The following SIGLEC1 variants were observed in gnomAD, a reference collection of about 807,000 sequenced individuals.
The protein encoded by SIGLEC1 is sialoadhesin.
In SIGLEC1, 132 loss-of-function variants were observed where a neutral mutation model predicts 148.0. That is an observed-to-expected ratio of 0.89 (90% CI 0.77 to 1.03). The LOEUF (loss-of-function observed/expected upper bound fraction) is 1.03. SIGLEC1 is among the 50% of genes least tolerant of loss of function. SIGLEC1 has a pLI of 0.00. For synonymous variants in SIGLEC1, 945 were observed against 969.0 expected (o/e 0.98, Z 0.46); for missense variants, 2,253 against 2,271.4 (o/e 0.99, Z 0.16).
In SIGLEC1 at chr20:3,692,166, T is replaced by C; in HGVS notation, c.4067A>G (p.Asp1356Gly). Residue 1356 changes from aspartate (D) to glycine (G), a missense_variant, in exon 17 of 22, where the codon GAC (aspartate) becomes GGC (glycine). Transcript: ENST00000344754. ...CACAGCCATGGATCTGGCCCTGGAGTCCCGGAAGGAGGACAGGACAGCGTC... is the reference window on the plus strand; with the variant it reads ...CACAGCCATGGATCTGGCCCTGGAGCCCCGGAAGGAGGACAGGACAGCGTC... ...PQDAVLSSFR[D>G]SRARSMAVIQ... 1 of 1,576,140 alleles carries C rather than the reference T, an allele frequency of 6.3e-7. No individual in the cohort carries two copies. Among genetic ancestry groups the C allele is most frequent in the Non-Finnish European group, 8.6e-7 (1 of 1,159,660 alleles).
chr20:3,693,365 C>T lies in SIGLEC1; in HGVS notation c.3508+82G>A, dbSNP rs2088785347. On this transcript the variant is annotated intron_variant, in intron 14 of 21. Coordinates refer to ENST00000344754, the MANE Select transcript of SIGLEC1 (RefSeq NM_023068.4). ...TGGGTACCGAGTTCCCCACTGGACA[C>T]CTGTCGGGTTCCGGCCATGCCGTGA... 6.2e-6 allele frequency: 9 copies of T among 1,455,006 alleles called. No individual in the cohort carries two copies. In the South Asian group the frequency reaches 8.2e-5, roughly 13 times the overall value. The allele number at this position is 1,455,006 out of a possible 1,614,324, so 90.1% of individuals were successfully genotyped here. A position where few individuals can be genotyped will look rare whatever the true frequency, so the allele number is the denominator to read the frequency against.
In SIGLEC1 at chr20:3,699,374, T is replaced by C. The variant is rs555710767; in HGVS notation, c.1614A>G (p.Thr538=). The C allele has an allele frequency of 1.2e-6, 2 of 1,608,450 alleles. No homozygotes were observed. Among genetic ancestry groups the C allele is most frequent in the Non-Finnish European group, 1.7e-6 (2 of 1,178,228 alleles). ...GGTACCAGGAGAAGCGGGCATCAGGTGTGGGGCTTAGGCCGCTTCTGCAGC... is the reference window on the plus strand; with the variant it reads ...GGTACCAGGAGAAGCGGGCATCAGGCGTGGGGCTTAGGCCGCTTCTGCAGC... ...TLSCRSGLSP[T]PDARFSWYLN... The change falls in exon 8 of 22, where the codon ACA becomes ACG. Residue 538 remains threonine (T), a synonymous_variant. Coordinates refer to ENST00000344754, the MANE Select transcript of SIGLEC1 (RefSeq NM_023068.4).
intron 2 of SIGLEC1, among the ~76,000 whole-genome samples, 173 bp from the exon 3 acceptor site, chr20:3,706,879 C>A (rs1448368984): frequency 6.6e-6 from 1 of 152,236 alleles, no homozygotes; most frequent in Non-Finnish European, 1.5e-5. Context: ...GGTCAGTCCA[C>A]TGCCCGAGGC....
rs143489222 is a variant in SIGLEC1 at position 3,691,399 on chromosome 20, C to G, written c.4532G>C (p.Cys1511Ser). 12 of 1,613,408 alleles carry G rather than the reference C, an allele frequency of 7.4e-6. No individual in the cohort carries two copies. The highest frequency in any genetic ancestry group is 5.0e-5 in the Admixed American group (3 of 60,036). The change falls in exon 18 of 22, where the codon TGC (cysteine) becomes TCC (serine). Residue 1511 changes from cysteine to serine, a missense_variant. Coordinates refer to ENST00000344754, the MANE Select transcript of SIGLEC1 (RefSeq NM_023068.4). ...VARAQAGMYH[C>S]LAELPTGAAA... The stretch of plus-strand genomic sequence containing the variant: ...AGCCCCAGTGGGGAGCTCAGCCAGG[C>G]AGTGGTACATCCCAGCTTGAGCACG...
chr20:3,703,692 A>T, intron 5 of SIGLEC1, 133 bp downstream of exon 5: 1 of 1,244,788 alleles, frequency 8.0e-7, no homozygotes, highest in Non-Finnish European at 1.1e-6. Context: ...CAGGGCTGGG[A>T]CTCCACACCT....
At position 3,696,884 on chromosome 20, in the gene SIGLEC1, G is replaced by T; in HGVS notation, c.2385C>A (p.Pro795=). ...STPVLLSVLY[P]PDRPKLSALL... ...GGGCTGACAGCTTTGGACGGTCCGG[G>T]GGATCTGCAGGAACAGAGGGAGCTG... The change falls in exon 11 of 22, where the codon CCC becomes CCA. Residue 795 remains proline (P), a synonymous_variant. Coordinates refer to ENST00000344754, the MANE Select transcript of SIGLEC1 (RefSeq NM_023068.4). 6.5e-7 allele frequency: 1 copy of T among 1,547,630 alleles called. No homozygotes were observed.
intron 17 of SIGLEC1, 93 bp downstream of exon 17, chr20:3,691,810 C>A (rs912291968): frequency 3.6e-5 from 52 of 1,445,554 alleles, no homozygotes; most frequent in Non-Finnish European, 4.8e-5. Flanking sequence ...TTTCTCAGAC[C>A]AGACAGCCCG....
Position 3,693,666 on chromosome 20 carries a change from C to G in SIGLEC1, c.3289G>C (p.Val1097Leu), listed in dbSNP as rs760565977. ...AGGTTCACCAGCTGCCCCTCCCGCA[C>G]GGTAGCCCCGGGCCACACCTGCACA... ...VNVQVWPGAT[V>L]REGQLVNLTC... Residue 1097 changes from valine to leucine, a missense_variant, in exon 14 of 22, where the codon GTG (valine) becomes CTG (leucine). Transcript: ENST00000344754. 18 of 1,602,098 alleles carry G rather than the reference C, an allele frequency of 1.1e-5. No individual in the cohort carries two copies. The South Asian group carries it at 2.0e-4, about 18-fold the overall frequency.
chr20:3,703,502 C>T (rs1308989657), intron 5 of SIGLEC1, 51 bp from the exon 6 acceptor site: 2 of 1,537,990 alleles, frequency 1.3e-6, no homozygotes, highest in Non-Finnish European at 1.7e-6. Context: ...ACTTCCAGCC[C>T]CAGCCCCATA....
At chr20:3,704,186 G>T in intron 4 of SIGLEC1, 95 bp from the exon 5 acceptor site, 1 of 1,210,474 alleles carries the variant, frequency 8.3e-7, no homozygotes, top group Non-Finnish European at 1.2e-6. Flanking sequence ...TCAGTCCTAA[G>T]GAAGTATGCC....
chr20:3,695,002 G>C, intron 11 of SIGLEC1, 79 bp from the exon 12 acceptor site: 1 of 1,447,034 alleles, frequency 6.9e-7, no homozygotes, highest in Non-Finnish European at 9.3e-7. Context: ...TGTCCACCTA[G>C]GACTACACAA....
At chr20:3,693,759 C>G in intron 13 of SIGLEC1, 61 bp from the exon 14 acceptor site, 2 of 1,492,480 alleles carry the variant, frequency 1.3e-6, no homozygotes, top group Non-Finnish European at 1.8e-6. Flanking sequence ...CAGCAGGCCA[C>G]CTGTCTCCAT....
intron 2 of SIGLEC1, among the ~76,000 whole-genome samples, 156 bp from the exon 3 acceptor site, chr20:3,706,862 C>T (rs935900817): frequency 3.9e-5 from 6 of 152,180 alleles, no homozygotes; most frequent in African/African-American, 1.4e-4. Flanking sequence ...CTTCTCAGTG[C>T]CCCAGGGGTC....
At chr20:3,702,881 G>A (rs1252154966) in intron 6 of SIGLEC1, among the ~76,000 whole-genome samples, 1 of 152,216 alleles carries the variant, frequency 6.6e-6, no homozygotes, top group Non-Finnish European at 1.5e-5. Flanking sequence ...GCGTGTGTGT[G>A]TCTGTGTAGA....
Position 3,694,348 on chromosome 20 carries a change from C to T in SIGLEC1, c.3129G>A (p.Val1043=). 1 of 1,613,270 alleles carries T rather than the reference C, an allele frequency of 6.2e-7. No individual in the cohort carries two copies. Among genetic ancestry groups the T allele is most frequent in the Non-Finnish European group, 8.5e-7 (1 of 1,179,992 alleles). The change falls in exon 13 of 22, where the codon GTG becomes GTA. Residue 1043 remains valine, a synonymous_variant. Transcript: ENST00000344754. ...GPEGSSPRLH[V]AVAPNTLRLE... is the part of the protein sequence containing the mutation. ...GACGCAGTGTGTTGGGGGCCACAGC[C>T]ACATGCAGCCTGGGAGAGCTGCCTT...
rs370268267 is a variant in SIGLEC1, at chr20:3,706,600, G to A, written c.156C>T (p.Pro52=). The change falls in exon 3 of 22, where the codon CCC becomes CCT. Residue 52 remains proline, a synonymous_variant. Transcript: ENST00000344754. ...IFSFPADVEV[P]DGITAIWYYD... Reference sequence around the variant, plus strand: ...AGTACCAGATGGCCGTGATGCCGTCGGGCACCTCCACGTCGGCAGGGAAGC... The same window carrying A: ...AGTACCAGATGGCCGTGATGCCGTCAGGCACCTCCACGTCGGCAGGGAAGC... The A allele has an allele frequency of 1.1e-5, 18 of 1,609,772 alleles. No individual in the cohort carries two copies. The highest frequency in any genetic ancestry group is 4.5e-5 in the East Asian group (2 of 44,714).
rs868471096 is a variant in SIGLEC1, at chr20:3,694,347, C to T, written c.3130G>A (p.Ala1044Thr). 3.7e-6 allele frequency: 6 copies of T among 1,613,154 alleles called. No homozygotes were observed. In the African/African-American group the frequency reaches 5.3e-5, roughly 14 times the overall value. Residue 1044 changes from alanine (A) to threonine (T), a missense_variant, in exon 13 of 22, where the codon GCT becomes ACT. Ala to Thr is a moderately conservative substitution (Grantham distance 58). Transcript: ENST00000344754. ...AGACGCAGTGTGTTGGGGGCCACAG[C>T]CACATGCAGCCTGGGAGAGCTGCCT... ...PEGSSPRLHV[A>T]VAPNTLRLEI... is the part of the protein sequence containing the mutation.
At chr20:3,689,014 G>C (rs1050195429) in intron 21 of SIGLEC1, 141 bp downstream of exon 21, 3 of 755,774 alleles carry the variant, frequency 4.0e-6, no homozygotes, top group Non-Finnish European at 4.7e-6. Context: ...ATCTCCTGAG[G>C]GGCTCCTGGT....
Position 3,701,361 on chromosome 20 carries a change from G to T in SIGLEC1, c.1509C>A (p.Thr503=), listed in dbSNP as rs201442720. 4 of 1,612,460 alleles carry T rather than the reference G, an allele frequency of 2.5e-6. No individual in the cohort carries two copies. The highest frequency in any genetic ancestry group is 1.6e-4 in the Middle Eastern group (1 of 6,074). The change falls in exon 7 of 22, where the codon ACC becomes ACA. Residue 503 remains threonine (T), a synonymous_variant. Transcript: ENST00000344754. Reference sequence around the variant, plus strand: ...TCTTACCATTGGCATGGAAGTCCAGGGTGGAGGTTGCATTTCCAAGGGAGT... The same window carrying T: ...TCTTACCATTGGCATGGAAGTCCAGTGTGGAGGTTGCATTTCCAAGGGAGT... ...ATNSLGNATS[T]LDFHANAARL...
Sources: allele counts gnomAD v4.1 joint callset (sites outside exome capture counted in the v4.1 genomes callset), GRCh38; gene constraint gnomAD v4.1.1; transcripts MANE v1.5; gene names NCBI Gene and HGNC (gene_info 2026-07-23, HGNC 2026-07-21).